The following TSPAN18 variants were observed in gnomAD, a reference collection of about 807,000 sequenced individuals.
TSPAN18 encodes the protein tetraspanin-18.
In TSPAN18, 14 loss-of-function variants were observed where a neutral mutation model predicts 27.3. That is an observed-to-expected ratio of 0.51 (90% CI 0.34 to 0.80). TSPAN18 has a LOEUF of 0.80. Among genes scored for constraint, TSPAN18 ranks in the 30% least tolerant of loss-of-function variants. The probability of loss-of-function intolerance (pLI) is 0.01; values close to 1 mark genes in which losing one functional copy is unlikely to be tolerated. For synonymous variants in TSPAN18, 143 were observed against 136.5 expected, an observed-to-expected ratio of 1.05 and a Z score of -0.33; for missense variants, 268 against 323.9, an observed-to-expected ratio of 0.83 and a Z score of 1.32.
chr11:44,904,854 C>T (rs919120385), intron 3 of TSPAN18, among the ~76,000 whole-genome samples: 1 of 152,162 alleles, frequency 6.6e-6, no homozygotes, highest in Non-Finnish European at 1.5e-5. Context: ...CTATTATGTG[C>T]CATGGGCCTT....
chr11:44,750,159 G>A (rs1344423572), intron 1 of TSPAN18, among the ~76,000 whole-genome samples: 2 of 152,188 alleles, frequency 1.3e-5, no homozygotes, highest in African/African-American at 4.8e-5. Flanking sequence ...CAGGCACTCA[G>A]TTAGAATTAT....
intron 1 of TSPAN18, among the ~76,000 whole-genome samples, chr11:44,732,040 T>G (rs185800044): frequency 1.5e-3 from 234 of 152,372 alleles, no homozygotes; most frequent in African/African-American, 5.4e-3. Context: ...TTGTGTTGCT[T>G]TATGTCTGGC....
chr11:44,920,956 G>A (rs990604431), intron 8 of TSPAN18, among the ~76,000 whole-genome samples: 1 of 152,244 alleles, frequency 6.6e-6, no homozygotes, highest in Non-Finnish European at 1.5e-5. Context: ...TGGGCCTTGG[G>A]TGGGGGCTCA....
At chr11:44,739,898 G>A (rs1249267213) in intron 1 of TSPAN18, among the ~76,000 whole-genome samples, 1 of 152,172 alleles carries the variant, frequency 6.6e-6, no homozygotes, top group Non-Finnish European at 1.5e-5. Context: ...GGTTCTCCTG[G>A]GTGGACCATG....
chr11:44,927,643 T>C (rs1352736911), intron 9 of TSPAN18, among the ~76,000 whole-genome samples: 7 of 152,198 alleles, frequency 4.6e-5, no homozygotes, highest in Admixed American at 4.6e-4. Context: ...CACTGAGCCC[T>C]ATTCTTCGCC....
rs372725922 is a variant in TSPAN18, at chr11:44,865,037, T to C, written c.-11+4568T>C. 5.3e-5 allele frequency among the ~76,000 whole-genome samples: 8 copies of C among 152,358 alleles called. No individual in the cohort carries two copies. In the South Asian group the frequency reaches 1.7e-3, roughly 32 times the overall value. On this transcript the variant is annotated intron_variant, in intron 3 of 9. Coordinates refer to ENST00000520358, the MANE Select transcript of TSPAN18 (RefSeq NM_130783.5). ...GTTGTCCCAGCCTCAGCCGGGGTGG[T>C]TGGACATACCAATCTCTTGGCTTGT... is the stretch of plus-strand genomic sequence containing the variant.
intron 2 of TSPAN18, among the ~76,000 whole-genome samples, chr11:44,770,120 T>C (rs969484555): frequency 6.6e-6 from 1 of 152,224 alleles, no homozygotes; most frequent in Admixed American, 6.5e-5. Context: ...CTGCTCTACA[T>C]GCTGGGAATA....
intron 2 of TSPAN18, among the ~76,000 whole-genome samples, chr11:44,859,161 C>A (rs181368625): frequency 1.3e-5 from 2 of 152,226 alleles, no homozygotes; most frequent in African/African-American, 4.8e-5. Flanking sequence ...TGGGGGCCCA[C>A]GCAGGTCTCT....
At chr11:44,877,735 T>A (rs1363093213) in intron 3 of TSPAN18, among the ~76,000 whole-genome samples, 1 of 152,172 alleles carries the variant, frequency 6.6e-6, no homozygotes, top group Non-Finnish European at 1.5e-5. Flanking sequence ...CTGTTAACGG[T>A]AATTACGAAG....
rs181410299 is a variant in TSPAN18, at chr11:44,788,149, G to A, written c.-153+23637G>A. On this transcript the variant is annotated intron_variant, in intron 2 of 9. Transcript: ENST00000520358. ...CTTCGGTACACAGTTGGTGGTTGAAGCTTTGGAGGGCCAGGGACTCAGGGA... is the reference window on the plus strand; with the variant it reads ...CTTCGGTACACAGTTGGTGGTTGAAACTTTGGAGGGCCAGGGACTCAGGGA... Among the ~76,000 whole-genome samples, 22 of 152,334 alleles carry A rather than the reference G, an allele frequency of 1.4e-4. No individual in the cohort carries two copies. In the East Asian group the frequency reaches 3.9e-3, roughly 27 times the overall value.
chr11:44,800,064 C>CCAGGCTGGTCT (rs1856445971), intron 2 of TSPAN18, among the ~76,000 whole-genome samples: 3 of 142,716 alleles, frequency 2.1e-5, no homozygotes, highest in Admixed American at 1.5e-4. Context: ...GCCATGTTGG[C>CCAGGCTGGTCT]CAGGCTGGTC....
At chr11:44,897,593 T>C (rs1160000310) in intron 3 of TSPAN18, among the ~76,000 whole-genome samples, 1 of 152,150 alleles carries the variant, frequency 6.6e-6, no homozygotes, top group Non-Finnish European at 1.5e-5. Context: ...TGGCCTCAGG[T>C]GCTGAGAGCT....
At chr11:44,887,644 C>T (rs897609708) in intron 3 of TSPAN18, among the ~76,000 whole-genome samples, 2 of 152,200 alleles carry the variant, frequency 1.3e-5, no homozygotes, top group African/African-American at 2.4e-5. Flanking sequence ...CCTCTCCTGA[C>T]CCTTGCATAG....
intron 2 of TSPAN18, among the ~76,000 whole-genome samples, chr11:44,848,437 C>T (rs1857529433): frequency 6.6e-6 from 1 of 152,224 alleles, no homozygotes; most frequent in Non-Finnish European, 1.5e-5. Context: ...TTGCTGTTTG[C>T]TGTCTCTCTA....
At chr11:44,869,221 T>C (rs539690685) in intron 3 of TSPAN18, among the ~76,000 whole-genome samples, 5 of 152,342 alleles carry the variant, frequency 3.3e-5, no homozygotes, top group African/African-American at 1.2e-4. Context: ...ATTCAGCTTC[T>C]GCTTACATAC....
rs1859639007 is a variant in TSPAN18, at chr11:44,909,792, C to T, written c.151C>T (p.Leu51Phe). 1.2e-6 allele frequency: 2 copies of T among 1,613,918 alleles called. No individual in the cohort carries two copies. Among genetic ancestry groups the T allele is most frequent in the African/African-American group, 1.3e-5 (1 of 74,942 alleles). ...FREIVAANPL[L>F]LTGAYILLAM... is the part of the protein sequence containing the mutation. Reference sequence around the variant, plus strand: ...GGAGATCGTGGCTGCCAATCCTCTGCTCCTCACGGGCGCCTACATCCTCCT... The same window carrying T: ...GGAGATCGTGGCTGCCAATCCTCTGTTCCTCACGGGCGCCTACATCCTCCT... Residue 51 changes from leucine (L) to phenylalanine (F), a missense_variant, in exon 5 of 10, where the codon CTC (leucine) becomes TTC (phenylalanine). By Grantham distance (22) the Leu-to-Phe change is conservative (BLOSUM62 0). Transcript: ENST00000520358.
chr11:44,766,602 CA>C (rs1855573588), intron 2 of TSPAN18, among the ~76,000 whole-genome samples: 2 of 152,332 alleles, frequency 1.3e-5, no homozygotes, highest in Admixed American at 1.3e-4. Context: ...TCTTTAAGTG[CA>C]GAGCAAAGCA....
intron 2 of TSPAN18, among the ~76,000 whole-genome samples, chr11:44,790,309 GTGTT>G (rs1214440196): frequency 1.3e-5 from 2 of 149,776 alleles, no homozygotes; most frequent in African/African-American, 2.5e-5. Context: ...GTGTGTGCAT[GTGTT>G]TGTGCATGCT....
intron 2 of TSPAN18, among the ~76,000 whole-genome samples, chr11:44,800,096 A>G (rs2135066101): frequency 6.7e-6 from 1 of 148,690 alleles, no homozygotes; most frequent in African/African-American, 2.5e-5. Context: ...ACCTCAGGTA[A>G]TCCACCTGCC....
Sources: allele counts gnomAD v4.1 joint callset (sites outside exome capture counted in the v4.1 genomes callset), GRCh38; gene constraint gnomAD v4.1.1; transcripts MANE v1.5; gene names NCBI Gene and HGNC (gene_info 2026-07-23, HGNC 2026-07-21).